Variants in COL5A2 observed in about 807,000 individuals in gnomAD.
COL5A2 encodes the protein collagen alpha-2(V) chain.
A neutral mutation model predicts 208.2 loss-of-function variants in COL5A2; 23 were observed. The observed-to-expected ratio is 0.11, with a 90% CI of 0.08 to 0.16. The LOEUF is 0.16. COL5A2 is among the 10% of genes least tolerant of loss of function. The pLI is 1.00. For synonymous variants in COL5A2, 625 were observed against 628.5 expected (o/e 0.99, Z 0.08); for missense variants, 1,590 against 1,956.4 (o/e 0.81, Z 3.53).
the COL5A2 span, among the ~76,000 whole-genome samples, chr2:189,376,782 T>C: frequency 6.6e-6 from 1 of 152,184 alleles, no homozygotes; most frequent in East Asian, 1.9e-4. Context: ...GCAAAGCACT[T>C]ATATCCACCT....
chr2:189,416,495 G>C, the COL5A2 span, among the ~76,000 whole-genome samples: 2 of 152,246 alleles, frequency 1.3e-5, no homozygotes, highest in African/African-American at 4.8e-5. Context: ...CTCACTCATA[G>C]GTGGGAATGG....
At chr2:189,354,779 T>C in the COL5A2 span, among the ~76,000 whole-genome samples, 1 of 152,206 alleles carries the variant, frequency 6.6e-6, no homozygotes, top group Non-Finnish European at 1.5e-5. Flanking sequence ...CTCTATCTCC[T>C]TCAGTTCTGC....
intron 45 of COL5A2, among the ~76,000 whole-genome samples, chr2:189,046,151 C>T (rs947356903): frequency 3.3e-5 from 5 of 152,102 alleles, no homozygotes; most frequent in East Asian, 1.9e-4. Context: ...ATTGCTCGCA[C>T]GTCAAGATCA....
the COL5A2 span, among the ~76,000 whole-genome samples, chr2:189,408,433 T>G: frequency 6.6e-6 from 1 of 152,142 alleles, no homozygotes; most frequent in Non-Finnish European, 1.5e-5. Flanking sequence ...AGAGTTGCCA[T>G]ACTACATTAG....
chr2:189,386,752 T>C, the COL5A2 span, among the ~76,000 whole-genome samples: 5 of 152,040 alleles, frequency 3.3e-5, no homozygotes, highest in South Asian at 1.0e-3. Flanking sequence ...ATCAGAGAAA[T>C]GCAAACCAAA....
At chr2:189,394,992 C>T in the COL5A2 span, among the ~76,000 whole-genome samples, 2 of 152,046 alleles carry the variant, frequency 1.3e-5, no homozygotes, top group African/African-American at 4.8e-5. Context: ...GTGTTACTTC[C>T]TTAGAGTACA....
the COL5A2 span, among the ~76,000 whole-genome samples, chr2:189,434,114 C>T: frequency 7.7e-3 from 1,171 of 151,758 alleles, 18 homozygotes; most frequent in African/African-American, 0.027. Context: ...AAAAGGCCTT[C>T]GAAAAAATTC....
intron 1 of COL5A2, among the ~76,000 whole-genome samples, chr2:189,166,928 A>G (rs926461417): frequency 1.3e-5 from 2 of 152,206 alleles, no homozygotes. Flanking sequence ...AAACAGGTAA[A>G]TTGTGATAAG....
intron 6 of COL5A2, among the ~76,000 whole-genome samples, chr2:189,093,050 C>G (rs765144891): frequency 1.3e-5 from 2 of 152,152 alleles, no homozygotes; most frequent in Non-Finnish European, 2.9e-5. Context: ...GAAGACTAGA[C>G]CATTGAGAAA....
chr2:189,303,125 T>G, the COL5A2 span, among the ~76,000 whole-genome samples: 1 of 152,176 alleles, frequency 6.6e-6, no homozygotes, highest in Non-Finnish European at 1.5e-5. Context: ...ACAGCCACAG[T>G]GCATGATAAG....
At chr2:189,328,431 C>T in the COL5A2 span, among the ~76,000 whole-genome samples, 1 of 152,172 alleles carries the variant, frequency 6.6e-6, no homozygotes, top group Non-Finnish European at 1.5e-5. Context: ...CAGGCAGCAC[C>T]TTCCTCAGGC....
chr2:189,341,456 T>C, the COL5A2 span, among the ~76,000 whole-genome samples: 5 of 152,150 alleles, frequency 3.3e-5, no homozygotes, highest in African/African-American at 4.8e-5. Context: ...ACAGTTATCA[T>C]TTTTTCCATC....
At chr2:189,327,393 A>G in the COL5A2 span, among the ~76,000 whole-genome samples, 1 of 152,208 alleles carries the variant, frequency 6.6e-6, no homozygotes, top group African/African-American at 2.4e-5. Context: ...AAGGAGAGAA[A>G]ACAGGAGGAA....
At chr2:189,430,931 A>T in the COL5A2 span, among the ~76,000 whole-genome samples, 1 of 152,180 alleles carries the variant, frequency 6.6e-6, no homozygotes, top group Non-Finnish European at 1.5e-5. Context: ...GGGCCTACAG[A>T]CACCTCATAT....
the COL5A2 span, among the ~76,000 whole-genome samples, chr2:189,330,045 A>ACTGTG: frequency 6.6e-6 from 1 of 152,228 alleles, no homozygotes; most frequent in Admixed American, 6.5e-5. Flanking sequence ...TTTTAACAGT[A>ACTGTG]CTGTGTGGGC....
the COL5A2 span, among the ~76,000 whole-genome samples, chr2:189,374,827 T>C: frequency 2.0e-5 from 3 of 152,168 alleles, no homozygotes; most frequent in Non-Finnish European, 2.9e-5. Flanking sequence ...CATCACTCTA[T>C]AATTGTTTAC....
the COL5A2 span, among the ~76,000 whole-genome samples, chr2:189,430,134 A>G: frequency 1.3e-5 from 2 of 152,048 alleles, no homozygotes; most frequent in African/African-American, 4.8e-5. Flanking sequence ...CACTGCACCT[A>G]CCTCCCAATT....
chr2:189,135,047 T>C (rs1025018253), intron 1 of COL5A2, among the ~76,000 whole-genome samples: 2 of 152,214 alleles, frequency 1.3e-5, no homozygotes, highest in African/African-American at 4.8e-5. Context: ...CTGGACTACA[T>C]ATAACATATG....
At chr2:189,119,153 A>T (rs1687452038) in intron 1 of COL5A2, among the ~76,000 whole-genome samples, 1 of 152,094 alleles carries the variant, frequency 6.6e-6, no homozygotes, top group Admixed American at 6.6e-5. Context: ...TTTATTGGAA[A>T]GTTATATCAA....
Sources: allele counts gnomAD v4.1 joint callset (sites outside exome capture counted in the v4.1 genomes callset), GRCh38; gene constraint gnomAD v4.1.1; transcripts MANE v1.5; gene names NCBI Gene and HGNC (gene_info 2026-07-23, HGNC 2026-07-21).